ITGA11: variants seen among roughly 807,000 people sequenced by gnomAD.
ITGA11 encodes the protein integrin subunit alpha 11, also known as integrin alpha-11.
Under a neutral mutation model 141.9 loss-of-function variants are expected in ITGA11, and 97 were observed. The observed-to-expected ratio is 0.68, with a 90% confidence interval of 0.58 to 0.81. The LOEUF (loss-of-function observed/expected upper bound fraction) is 0.81. Among genes scored for constraint, ITGA11 ranks in the 30% least tolerant of loss-of-function variants. ITGA11 has a pLI of 0.00. For synonymous variants in ITGA11, 658 were observed against 624.6 expected (o/e 1.05, Z -0.80); for missense variants, 1,387 against 1,559.2 (o/e 0.89, Z 1.86).
At chr15:68,365,351 A>G in intron 3 of ITGA11, 3 of 986,922 alleles carry the variant, frequency 3.0e-6, no homozygotes, top group Non-Finnish European at 3.6e-6. Flanking sequence ...GGCCTTGCCC[A>G]GGAATGCCAT....
chr15:68,328,285 C>T lies in ITGA11; in HGVS notation c.1902-23G>A. 6.2e-7 allele frequency: 1 copy of T among 1,605,552 alleles called. No homozygotes were observed. The highest frequency in any genetic ancestry group is 2.2e-5 in the East Asian group (1 of 44,572). On this transcript the variant is annotated intron_variant, in intron 15 of 29. Coordinates refer to ENST00000315757, the MANE Select transcript of ITGA11 (RefSeq NM_001004439.2). The surrounding 1 kb of genome is among the most constrained non-coding windows in gnomAD (Gnocchi z 4.8). ...GACCTGGAGGAGAAGGGCCAGTGAG[C>T]TGGGGTGGGGCAGGGGCTCAGGCTG... is the stretch of plus-strand genomic sequence containing the variant.
intron 11 of ITGA11, among the ~76,000 whole-genome samples, chr15:68,336,376 T>C (rs1175970875): frequency 1.3e-5 from 2 of 152,258 alleles, no homozygotes; most frequent in Middle Eastern, 3.4e-3. Context: ...GATATTTACA[T>C]GGGGTCTCAG....
rs142183364 is a variant in ITGA11 at position 68,305,519 on chromosome 15, G to A, written c.3382-1634C>T. ...AATGTAGCAGGAGCTCAGCTAACAC[G>A]TGGAGTGAATGGACCACCTGCAACA... On this transcript the variant is annotated intron_variant, in intron 28 of 29. Coordinates refer to ENST00000315757, the MANE Select transcript of ITGA11 (RefSeq NM_001004439.2). This position sits in a 1 kb window ranked among gnomAD's most constrained non-coding sequence, Gnocchi z 4.6. 3.2e-3 allele frequency among the ~76,000 whole-genome samples: 480 copies of A among 152,292 alleles called. No homozygotes were observed. Among genetic ancestry groups the A allele is most frequent in the African/African-American group, 5.7e-3 (238 of 41,556 alleles).
At chr15:68,424,736 T>A (rs8038368) in intron 1 of ITGA11, among the ~76,000 whole-genome samples, 108,567 of 152,138 alleles carry the variant, frequency 0.71, 39,935 homozygotes, top group African/African-American at 0.9. Context: ...TACAAATACT[T>A]GGGGCTGCCG....
intron 1 of ITGA11, among the ~76,000 whole-genome samples, chr15:68,413,597 T>C (rs1896825252): frequency 6.6e-6 from 1 of 152,204 alleles, no homozygotes; most frequent in Non-Finnish European, 1.5e-5. Flanking sequence ...CTTGGCTGGA[T>C]GTCCATTGAG....
chr15:68,403,744 T>G (rs1482411659), intron 1 of ITGA11, among the ~76,000 whole-genome samples: 1 of 152,072 alleles, frequency 6.6e-6, no homozygotes, highest in Non-Finnish European at 1.5e-5. Context: ...AAGAGATTCT[T>G]GTGCCTCAGC....
chr15:68,356,604 C>T (rs1359062041), intron 7 of ITGA11, among the ~76,000 whole-genome samples: 2 of 152,212 alleles, frequency 1.3e-5, no homozygotes, highest in African/African-American at 2.4e-5. Flanking sequence ...ATTCTAAATG[C>T]TCTTCTGCAA....
intron 4 of ITGA11, among the ~76,000 whole-genome samples, chr15:68,363,242 A>G (rs988879765): frequency 1.3e-5 from 2 of 152,190 alleles, no homozygotes; most frequent in African/African-American, 4.8e-5. Context: ...ACTATCTATA[A>G]ACCAAGGATT....
intron 18 of ITGA11, among the ~76,000 whole-genome samples, chr15:68,323,150 C>G (rs1414925322): frequency 6.6e-6 from 1 of 152,222 alleles, no homozygotes; most frequent in East Asian, 1.9e-4. Flanking sequence ...ATCTACCCAT[C>G]TCGCCCCTCA....
At chr15:68,397,662 T>G (rs1385846935) in intron 2 of ITGA11, among the ~76,000 whole-genome samples, 2 of 110,518 alleles carry the variant, frequency 1.8e-5, no homozygotes, top group African/African-American at 7.4e-5. Context: ...AAAATATATA[T>G]TATAAAATAT....
chr15:68,319,008 CA>C (rs1893697692), intron 20 of ITGA11, among the ~76,000 whole-genome samples: 1 of 152,234 alleles, frequency 6.6e-6, no homozygotes, highest in Non-Finnish European at 1.5e-5. Context: ...TCAAGGGTTT[CA>C]AGAGGCCAGC....
Position 68,351,410 on chromosome 15 carries a change from C to A in ITGA11, c.750-8G>T, listed in dbSNP as rs767472230. ...TTCTGGAAAGCCTCTGAGCTGGAAG[C>A]CAAGCACAGGGGCAGGGTCATGAAA... is the stretch of plus-strand genomic sequence containing the variant. On this transcript the variant is annotated splice_region_variant and splice_polypyrimidine_tract_variant and intron_variant, in intron 7 of 29. Transcript: ENST00000315757. The A allele has an allele frequency of 6.2e-7, 1 of 1,613,286 alleles. No homozygotes were observed.
chr15:68,314,696 T>A (rs976468290), intron 22 of ITGA11, among the ~76,000 whole-genome samples: 11 of 152,146 alleles, frequency 7.2e-5, no homozygotes, highest in African/African-American at 2.4e-4. Context: ...TGGGCTTTCT[T>A]AGAGCAGGGC....
At chr15:68,330,862 G>T in intron 15 of ITGA11, 119 bp downstream of exon 15, 1 of 1,099,372 alleles carries the variant, frequency 9.1e-7, no homozygotes, top group Admixed American at 2.2e-5. Context: ...GAACAGGGTG[G>T]GTCTAGCTGA....
At chr15:68,311,181 T>C (rs1182975632) in intron 25 of ITGA11, 101 bp from the exon 26 acceptor site, 1 of 1,269,586 alleles carries the variant, frequency 7.9e-7, no homozygotes, top group South Asian at 1.3e-5. Flanking sequence ...CCTCTAGCCG[T>C]GGTCCTGGGA....
chr15:68,344,949 C>T (rs1315854914), intron 10 of ITGA11, among the ~76,000 whole-genome samples: 5 of 152,154 alleles, frequency 3.3e-5, no homozygotes, highest in African/African-American at 1.2e-4. Context: ...TCCAGCTGAG[C>T]CCTCTGCACA....
chr15:68,323,040 A>G (rs1002390727), intron 18 of ITGA11, among the ~76,000 whole-genome samples: 1 of 152,170 alleles, frequency 6.6e-6, no homozygotes, highest in Non-Finnish European at 1.5e-5. Flanking sequence ...GAGAGGAAAC[A>G]GGTGTCACAA....
At chr15:68,415,661 G>A (rs996507577) in intron 1 of ITGA11, among the ~76,000 whole-genome samples, 1 of 152,144 alleles carries the variant, frequency 6.6e-6, no homozygotes, top group Non-Finnish European at 1.5e-5. Context: ...CACCTTCCCC[G>A]GGAGGAGGAG....
intron 10 of ITGA11, among the ~76,000 whole-genome samples, chr15:68,340,065 G>T (rs1230868573): frequency 1.3e-5 from 2 of 152,106 alleles, no homozygotes; most frequent in African/African-American, 4.8e-5. Flanking sequence ...TGCAGTGTCT[G>T]AGTTGCTTCC....
Sources: gnomAD v4.1 joint callset for allele counts (sites outside exome capture counted in the v4.1 genomes callset) on GRCh38, gnomAD v4.1.1 for gene constraint, Gnocchi (gnomAD v3.1) non-coding constraint, MANE v1.5 for transcripts, NCBI Gene and HGNC (gene_info 2026-07-23, HGNC 2026-07-21) for gene names.